PDZD2: variants seen among roughly 807,000 people sequenced by gnomAD.
PDZD2 encodes PDZ domain containing 2.
Under a neutral mutation model 220.7 loss-of-function variants are expected in PDZD2, and 90 were observed. The observed-to-expected ratio is 0.41, with a 90% confidence interval of 0.34 to 0.49. PDZD2 has a LOEUF of 0.49. Among genes scored for constraint, PDZD2 ranks in the 20% least tolerant of loss-of-function variants. The pLI is 0.28. For synonymous variants in PDZD2, 1,375 were observed against 1,450.5 expected (o/e 0.95, Z 1.18); for missense variants, 3,174 against 3,608.5 (o/e 0.88, Z 3.08).
chr5:31,815,803 A>C (rs970078856), intron 2 of PDZD2, among the ~76,000 whole-genome samples: 7 of 152,208 alleles, frequency 4.6e-5, no homozygotes, highest in Non-Finnish European at 8.8e-5. Context: ...TTTTGTAAAA[A>C]CTTAAATGTG....
At chr5:32,063,514 G>T (rs1343813134) in intron 14 of PDZD2, among the ~76,000 whole-genome samples, 1 of 152,176 alleles carries the variant, frequency 6.6e-6, no homozygotes, top group African/African-American at 2.4e-5. Context: ...GGATGGGTGT[G>T]GAGGTTGTGA....
chr5:31,895,843 C>G (rs1354549788), intron 2 of PDZD2, among the ~76,000 whole-genome samples: 1 of 152,160 alleles, frequency 6.6e-6, no homozygotes, highest in East Asian at 1.9e-4. Flanking sequence ...TTTTCCCCAC[C>G]CTGCCTCTGT....
At chr5:32,052,510 A>G in intron 8 of PDZD2, 101 bp from the exon 9 acceptor site, 4 of 1,060,160 alleles carry the variant, frequency 3.8e-6, no homozygotes, top group Admixed American at 3.4e-5. Flanking sequence ...TCTAGTACTG[A>G]AGACATCTAA....
chr5:31,978,492 G>A (rs1252691265), intron 2 of PDZD2, among the ~76,000 whole-genome samples: 2 of 152,110 alleles, frequency 1.3e-5, no homozygotes, highest in Non-Finnish European at 2.9e-5. Flanking sequence ...GGCCGAGGTG[G>A]GCGGATCACG....
At chr5:31,960,720 A>G (rs76596253) in intron 2 of PDZD2, among the ~76,000 whole-genome samples, 2,100 of 148,848 alleles carry the variant, frequency 0.014, 55 homozygotes, top group African/African-American at 0.047. Flanking sequence ...CCCCTTTTAT[A>G]AGCTTCTGAA....
chr5:31,918,660 G>T (rs922098453), intron 2 of PDZD2, among the ~76,000 whole-genome samples: 1 of 152,002 alleles, frequency 6.6e-6, no homozygotes, highest in Non-Finnish European at 1.5e-5. Flanking sequence ...ATTAGACTTG[G>T]CTCATCCCTA....
intron 1 of PDZD2, among the ~76,000 whole-genome samples, chr5:31,710,169 A>G (rs1748022673): frequency 6.6e-6 from 1 of 152,104 alleles, no homozygotes; most frequent in South Asian, 2.1e-4. Flanking sequence ...GGTCCACGAA[A>G]TTTGGTTTGA....
chr5:31,681,009 C>A (rs889344586), intron 1 of PDZD2, among the ~76,000 whole-genome samples: 1 of 152,026 alleles, frequency 6.6e-6, no homozygotes, highest in African/African-American at 2.4e-5. Context: ...CCCCCACCTA[C>A]CCCCACCCAA....
chr5:31,999,676 T>C (rs1454809147), intron 4 of PDZD2, among the ~76,000 whole-genome samples: 2 of 152,084 alleles, frequency 1.3e-5, no homozygotes, highest in Non-Finnish European at 2.9e-5. Context: ...CAGGGTCACA[T>C]CCCTGGGAAG....
chr5:31,951,449 C>T (rs1012144103), intron 2 of PDZD2, among the ~76,000 whole-genome samples: 23 of 152,248 alleles, frequency 1.5e-4, no homozygotes, highest in African/African-American at 5.3e-4. Context: ...AAAGGCTCGA[C>T]CTCTTAATAC....
intron 19 of PDZD2, among the ~76,000 whole-genome samples, chr5:32,081,589 C>T (rs1368558300): frequency 6.6e-6 from 1 of 152,154 alleles, no homozygotes; most frequent in African/African-American, 2.4e-5. Context: ...CTCTCCTTCC[C>T]AATGAAAAGG....
intron 6 of PDZD2, among the ~76,000 whole-genome samples, chr5:32,013,489 T>C (rs187532354): frequency 6.6e-6 from 1 of 152,306 alleles, no homozygotes; most frequent in East Asian, 1.9e-4. Flanking sequence ...TAATCACACA[T>C]TGTTTTATGA....
chr5:31,891,315 T>C (rs1438850119), intron 2 of PDZD2, among the ~76,000 whole-genome samples: 2 of 150,420 alleles, frequency 1.3e-5, no homozygotes, highest in African/African-American at 2.4e-5. Flanking sequence ...TTTTGTATTT[T>C]TATTTTTATT....
At chr5:32,010,548 AT>A in intron 6 of PDZD2, 66 bp downstream of exon 6, 1 of 1,099,446 alleles carries the variant, frequency 9.1e-7, no homozygotes, top group Non-Finnish European at 1.4e-6. Context: ...GGGCGCCAGG[AT>A]TAGGGGATAA....
At chr5:31,666,697 A>G (rs1398373482) in intron 1 of PDZD2, among the ~76,000 whole-genome samples, 1 of 152,224 alleles carries the variant, frequency 6.6e-6, no homozygotes, top group African/African-American at 2.4e-5. Flanking sequence ...TGGTTTTCTG[A>G]GGCCACGCGC....
intron 24 of PDZD2, chr5:32,107,434 G>A (rs1397737693): frequency 1.3e-5 from 2 of 152,326 alleles, no homozygotes; most frequent in Non-Finnish European, 1.5e-5. Flanking sequence ...GTGTATGCCT[G>A]TGGTAGCAGC....
At chr5:31,728,429 G>A (rs1159864980) in intron 1 of PDZD2, among the ~76,000 whole-genome samples, 1 of 152,202 alleles carries the variant, frequency 6.6e-6, no homozygotes, top group African/African-American at 2.4e-5. Context: ...AGGAGAAGGA[G>A]TGGCGTATTT....
rs1460989439 is a variant in PDZD2, at chr5:31,646,166, A to G, written c.-361+6729A>G. Among the ~76,000 whole-genome samples, 1 of 152,186 alleles carries G rather than the reference A, an allele frequency of 6.6e-6. No individual in the cohort carries two copies. Among genetic ancestry groups the G allele is most frequent in the African/African-American group, 2.4e-5 (1 of 41,446 alleles). ...GCCAGCATGTTTCCGATGCCTGTCT[A>G]AGGTGAACCTGGCTTGTCCTGTTTA... is the stretch of plus-strand genomic sequence containing the variant. On this transcript the variant is annotated intron_variant, in intron 1 of 24. Coordinates refer to ENST00000438447, the MANE Select transcript of PDZD2 (RefSeq NM_178140.4). The surrounding 1 kb of genome is among the most constrained non-coding windows in gnomAD (Gnocchi z 4.7).
rs148037166 is a variant in PDZD2 at position 31,839,107 on chromosome 5, G to A, written c.476+39383G>A. ...CATCCCTGCATTGTTGTTAACTGCA[G>A]AAAGACAGGAAAAGGTCATCGCTTT... On this transcript the variant is annotated intron_variant, in intron 2 of 24. Coordinates refer to ENST00000438447, the MANE Select transcript of PDZD2 (RefSeq NM_178140.4). 7.2e-5 allele frequency among the ~76,000 whole-genome samples: 11 copies of A among 152,294 alleles called. 1 individual carries two copies. In the East Asian group the frequency reaches 2.1e-3, roughly 29 times the overall value.
Sources: gnomAD v4.1 joint callset for allele counts (sites outside exome capture counted in the v4.1 genomes callset) on GRCh38, gnomAD v4.1.1 for gene constraint, Gnocchi (gnomAD v3.1) non-coding constraint, MANE v1.5 for transcripts, NCBI Gene and HGNC (gene_info 2026-07-23, HGNC 2026-07-21) for gene names.